AHI1: variants seen among roughly 807,000 people sequenced by gnomAD.
AHI1 encodes jouberin.
A neutral mutation model predicts 149.3 loss-of-function variants in AHI1; 123 were observed. The observed-to-expected ratio is 0.82, with a 90% CI of 0.71 to 0.96. The LOEUF is 0.96. Among genes scored for constraint, AHI1 ranks in the 40% least tolerant of loss-of-function variants. The pLI, the probability that AHI1 is intolerant of heterozygous loss-of-function variation, is 0.00. For synonymous variants in AHI1, 475 were observed against 459.8 expected, an observed-to-expected ratio of 1.03 and a Z score of -0.42; for missense variants, 1,439 against 1,422.7, an observed-to-expected ratio of 1.01 and a Z score of -0.18.
rs1310142651 is a variant in AHI1 at position 135,462,558 on chromosome 6, A to C, written c.931+567T>G. ...AAGAAGAAATCCTCTATGACCCAATAGCAACTACAAAGTCAGTATCATTTT... is the reference window on the plus strand; with the variant it reads ...AAGAAGAAATCCTCTATGACCCAATCGCAACTACAAAGTCAGTATCATTTT... On this transcript the variant is annotated intron_variant, in intron 8 of 28. Transcript: ENST00000265602. Among the ~76,000 whole-genome samples the C allele has an allele frequency of 4.6e-5, 7 of 152,330 alleles. No individual in the cohort carries two copies. In the East Asian group the frequency reaches 1.3e-3, roughly 29 times the overall value.
intron 5 of AHI1, among the ~76,000 whole-genome samples, chr6:135,479,970 G>A (rs959264027): frequency 1.3e-5 from 2 of 152,148 alleles, no homozygotes; most frequent in African/African-American, 4.8e-5. Flanking sequence ...TGTGAAGACT[G>A]TGCCTGCTTC....
chr6:135,421,988 G>A (rs1481640754), intron 20 of AHI1, among the ~76,000 whole-genome samples: 1 of 151,982 alleles, frequency 6.6e-6, no homozygotes, highest in Non-Finnish European at 1.5e-5. Flanking sequence ...ATGTGCTTTT[G>A]AACTATTCAT....
rs572800786 is a variant in AHI1, at chr6:135,364,135, C to T, written c.3110-5948G>A. Among the ~76,000 whole-genome samples the T allele has an allele frequency of 9.2e-3, 1,400 of 151,774 alleles. 17 individuals are homozygous for T. The highest frequency in any genetic ancestry group is 0.032 in the African/African-American group (1,306 of 41,332). Reference sequence around the variant, plus strand: ...GCGGAGATGCTCCTCACTTCCCAGACAGGGTGGCTGCTGGGCGGAGGGGCT... The same window carrying T: ...GCGGAGATGCTCCTCACTTCCCAGATAGGGTGGCTGCTGGGCGGAGGGGCT... On this transcript the variant is annotated intron_variant, in intron 23 of 28. Transcript: ENST00000265602.
chr6:135,392,207 C>T (rs1313323296), intron 23 of AHI1, among the ~76,000 whole-genome samples: 1 of 152,142 alleles, frequency 6.6e-6, no homozygotes, highest in Non-Finnish European at 1.5e-5. Context: ...ACATTTACTC[C>T]ACATGCTAAA....
In AHI1 at chr6:135,455,909, G is replaced by T; in HGVS notation, c.1169C>A (p.Ser390Tyr). Residue 390 changes from serine (S) to tyrosine (Y), a missense_variant, in exon 10 of 29, where the codon TCT (serine) becomes TAT (tyrosine). Physicochemically the swap from Ser to Tyr is moderately radical, Grantham distance 144. Coordinates refer to ENST00000265602, the MANE Select transcript of AHI1 (RefSeq NM_001134831.2). ...ATCCACATTCTCTTTTTCATAGTAAGATGAAACAGGCCGTCCACTGTACAA... is the reference window on the plus strand; with the variant it reads ...ATCCACATTCTCTTTTTCATAGTAATATGAAACAGGCCGTCCACTGTACAA... Reference protein sequence around the residue: ...KKDDSGRPVSSYYEKENVDYI... With the variant: ...KKDDSGRPVSYYYEKENVDYI... 1 of 1,500,072 alleles carries T rather than the reference G, an allele frequency of 6.7e-7. No individual in the cohort carries two copies. 92.9% of individuals were successfully genotyped at this position (1,500,072 alleles called of 1,614,324 possible).
At chr6:135,354,029 C>T (rs1199044908) in intron 24 of AHI1, among the ~76,000 whole-genome samples, 2 of 152,018 alleles carry the variant, frequency 1.3e-5, no homozygotes, top group East Asian at 1.9e-4. Context: ...ACATGGCAAG[C>T]GTTTCATAGT....
At chr6:135,294,301 G>A (rs1028151109) in intron 27 of AHI1, among the ~76,000 whole-genome samples, 4 of 151,774 alleles carry the variant, frequency 2.6e-5, no homozygotes, top group African/African-American at 7.3e-5. Context: ...ACTCCAGCCC[G>A]GGTGACAGTG....
intron 5 of AHI1, among the ~76,000 whole-genome samples, chr6:135,488,401 T>C (rs2128131555): frequency 6.6e-6 from 1 of 152,308 alleles, no homozygotes; most frequent in Non-Finnish European, 1.5e-5. Context: ...TTTTCCGTAG[T>C]GTCAATTCCA....
rs753296893 is a variant in AHI1 at position 135,467,638 on chromosome 6, A to C, written c.136-4T>G. The C allele has an allele frequency of 9.4e-6, 15 of 1,598,958 alleles. No individual in the cohort carries two copies. The highest frequency in any genetic ancestry group is 1.3e-5 in the Non-Finnish European group (15 of 1,170,084). ...GATTGCTTCTAATAGTGTCAGGCTAAAAAGGAAGACATAATAAAGTTTCAG... is the reference window on the plus strand; with the variant it reads ...GATTGCTTCTAATAGTGTCAGGCTACAAAGGAAGACATAATAAAGTTTCAG... On this transcript the variant is annotated splice_region_variant and splice_polypyrimidine_tract_variant and intron_variant, in intron 5 of 28. Coordinates refer to ENST00000265602, the MANE Select transcript of AHI1 (RefSeq NM_001134831.2).
chr6:135,346,838 A>G (rs1430180828), intron 24 of AHI1, among the ~76,000 whole-genome samples: 1 of 152,124 alleles, frequency 6.6e-6, no homozygotes, highest in Non-Finnish European at 1.5e-5. Context: ...TCCTTTCTCA[A>G]GGTCACAGGT....
intron 15 of AHI1, among the ~76,000 whole-genome samples, chr6:135,434,876 T>C (rs939473618): frequency 6.6e-6 from 1 of 152,142 alleles, no homozygotes; most frequent in African/African-American, 2.4e-5. Flanking sequence ...CCATTACATA[T>C]GGAAAAGCCT....
chr6:135,371,682 T>C (rs553648930), intron 23 of AHI1, among the ~76,000 whole-genome samples: 1 of 152,330 alleles, frequency 6.6e-6, no homozygotes, highest in African/African-American at 2.4e-5. Context: ...ATTTTAACAT[T>C]TGAAGTCATA....
chr6:135,426,039 C>T (rs1046614478), intron 20 of AHI1, among the ~76,000 whole-genome samples: 2 of 151,844 alleles, frequency 1.3e-5, no homozygotes, highest in East Asian at 1.9e-4. Context: ...TTTGGTATAA[C>T]TCTTCATTTA....
At chr6:135,286,806 T>C (rs1781741625) in intron 28 of AHI1, among the ~76,000 whole-genome samples, 1 of 152,168 alleles carries the variant, frequency 6.6e-6, no homozygotes, top group African/African-American at 2.4e-5. Flanking sequence ...TACGTTCTAG[T>C]GAAGCTCATG....
At chr6:135,311,301 CAAAA>C (rs35950731) in intron 26 of AHI1, among the ~76,000 whole-genome samples, 3 of 79,942 alleles carry the variant, frequency 3.8e-5, no homozygotes, top group Admixed American at 2.9e-4. Context: ...GACCCCGCCT[CAAAA>C]AAAAAAAAAA....
At chr6:135,394,734 C>G (rs1204833577) in intron 23 of AHI1, 42 bp downstream of exon 23, 3 of 1,604,464 alleles carry the variant, frequency 1.9e-6, no homozygotes, top group Non-Finnish European at 1.7e-6. Flanking sequence ...CAACAAGCAT[C>G]TGAACATTTA....
chr6:135,286,193 A>G (rs367580690), intron 28 of AHI1, among the ~76,000 whole-genome samples: 4 of 152,372 alleles, frequency 2.6e-5, no homozygotes. Flanking sequence ...AGATAGTAAC[A>G]ATCAAGCATC....
At chr6:135,461,035 C>T (rs990793542) in intron 8 of AHI1, among the ~76,000 whole-genome samples, 7 of 150,902 alleles carry the variant, frequency 4.6e-5, no homozygotes, top group Non-Finnish European at 8.8e-5. Context: ...AATCACAGCA[C>T]TTACCATCAA....
At chr6:135,470,937 T>C (rs935202653) in intron 5 of AHI1, among the ~76,000 whole-genome samples, 6 of 152,244 alleles carry the variant, frequency 3.9e-5, no homozygotes, top group African/African-American at 7.2e-5. Context: ...TTTGAAAAAA[T>C]TGCTATTTGT....
Sources: gnomAD v4.1 joint callset for allele counts (sites outside exome capture counted in the v4.1 genomes callset) on GRCh38, gnomAD v4.1.1 for gene constraint, MANE v1.5 for transcripts, NCBI Gene and HGNC (gene_info 2026-07-23, HGNC 2026-07-21) for gene names.